Variants in ARHGEF37 observed in about 807,000 individuals in gnomAD.
ARHGEF37 encodes the protein Rho guanine nucleotide exchange factor (GEF) 37.
In ARHGEF37, 55 loss-of-function variants were observed where a neutral mutation model predicts 71.1. The ratio of observed to expected loss-of-function variants is 0.77; its 90% confidence interval spans 0.62 to 0.97. The LOEUF is 0.97. Among genes scored for constraint, ARHGEF37 ranks in the 50% least tolerant of loss-of-function variants. The probability of loss-of-function intolerance (pLI) is 0.00; values close to 1 mark genes in which losing one functional copy is unlikely to be tolerated. For missense variants in ARHGEF37, 765 were observed against 836.8 expected (o/e 0.91, Z 1.06); for synonymous variants, 327 against 350.6 (o/e 0.93, Z 0.75).
rs1207139940 is a variant in ARHGEF37, at chr5:149,616,582, T to A, written c.474T>A (p.Ser158=). The change falls in exon 5 of 13, where the codon TCT becomes TCA. Residue 158 remains serine (S), a synonymous_variant. Coordinates refer to ENST00000333677, the MANE Select transcript of ARHGEF37 (RefSeq NM_001001669.3). ...TCTCCCTCAGGCCGCAAGCTGGATC[T>A]TCAGGCCTCAGTTTCTTGCTGGTAA... ...IVEAVVPQAG[S]SGLSFLLVIP... The A allele has an allele frequency of 6.2e-7, 1 of 1,608,830 alleles. No individual in the cohort carries two copies. The highest frequency in any genetic ancestry group is 8.5e-7 in the Non-Finnish European group (1 of 1,177,318).
At chr5:149,577,417 C>T (rs1269091385), upstream of ARHGEF37, among the ~76,000 whole-genome samples, 1 of 140,338 alleles carries the variant, frequency 7.1e-6, no homozygotes, top group Admixed American at 8.1e-5. Flanking sequence ...ATTTACTTGA[C>T]TCATAGCATT....
chr5:149,564,978 T>TAGC (rs1327377175), intron 1 of ARHGEF37, among the ~76,000 whole-genome samples: 10 of 152,216 alleles, frequency 6.6e-5, no homozygotes, highest in Non-Finnish European at 1.3e-4. Context: ...TAGCCAGCCT[T>TAGC]CTGTGGCCTA....
At chr5:149,610,475 C>G (rs1208073621) in intron 4 of ARHGEF37, among the ~76,000 whole-genome samples, 2 of 152,084 alleles carry the variant, frequency 1.3e-5, no homozygotes, top group African/African-American at 4.8e-5. Flanking sequence ...TTTAAAACAT[C>G]AAAATTTTTA....
intron 1 of ARHGEF37, among the ~76,000 whole-genome samples, chr5:149,575,603 GC>G (rs1162027941): frequency 6.6e-6 from 1 of 151,776 alleles, no homozygotes; most frequent in Admixed American, 6.6e-5. Context: ...AGTAGAGATG[GC>G]CCTTTCTTCT....
In ARHGEF37 at chr5:149,618,168, C is replaced by A. The variant is rs531045351; in HGVS notation, c.659-8C>A. On this transcript the variant is annotated splice_polypyrimidine_tract_variant and splice_region_variant and intron_variant, in intron 5 of 12. Transcript: ENST00000333677. ...TCACCGTGCTTCCCCTCTTCTCTGT[C>A]GTTGCAGCCTCCAAGTACACCAAGG... 6.8e-6 allele frequency: 11 copies of A among 1,613,830 alleles called. No homozygotes were observed. Among genetic ancestry groups the A allele is most frequent in the Non-Finnish European group, 8.5e-6 (10 of 1,179,914 alleles).
At chr5:149,619,741 T>C (rs1235060550) in intron 7 of ARHGEF37, among the ~76,000 whole-genome samples, 1 of 152,068 alleles carries the variant, frequency 6.6e-6, no homozygotes, top group Non-Finnish European at 1.5e-5. Flanking sequence ...TAGAGAAAAG[T>C]ATTAATAGAA....
intron 1 of ARHGEF37, among the ~76,000 whole-genome samples, chr5:149,582,697 C>T (rs1020100480): frequency 6.6e-6 from 1 of 151,890 alleles, no homozygotes; most frequent in Admixed American, 6.6e-5. Context: ...TGATGGATAT[C>T]CCAAGTACAC....
At chr5:149,618,448 G>A in intron 6 of ARHGEF37, 142 bp downstream of exon 6, 1 of 1,317,654 alleles carries the variant, frequency 7.6e-7, no homozygotes, top group Non-Finnish European at 1.0e-6. Flanking sequence ...AAGAGGCAGA[G>A]GTGGCACCCC....
chr5:149,553,642 G>A (rs1419608878), intron 1 of ARHGEF37, among the ~76,000 whole-genome samples: 1 of 152,188 alleles, frequency 6.6e-6, no homozygotes, highest in East Asian at 1.9e-4. Flanking sequence ...TGGGCATGAA[G>A]TGGTCTAAAT....
At chr5:149,592,363 A>G (rs749038623) in intron 1 of ARHGEF37, among the ~76,000 whole-genome samples, 8 of 152,136 alleles carry the variant, frequency 5.3e-5, no homozygotes, top group Non-Finnish European at 1.2e-4. Flanking sequence ...CTATCTCTAC[A>G]ATTTTCTTTG....
intron 1 of ARHGEF37, 90 bp from the exon 2 acceptor site, chr5:149,597,669 C>A (rs917958558): frequency 2.5e-6 from 3 of 1,194,626 alleles, no homozygotes; most frequent in Admixed American, 2.7e-5. Context: ...TGTTTTTAGG[C>A]CTCTTGATGA....
At chr5:149,574,121 G>A (rs1338403041) in intron 1 of ARHGEF37, among the ~76,000 whole-genome samples, 1 of 152,146 alleles carries the variant, frequency 6.6e-6, no homozygotes, top group African/African-American at 2.4e-5. Flanking sequence ...CCACACAATG[G>A]CAGATTATTA....
chr5:149,552,596 G>C (rs1762693824), intron 1 of ARHGEF37, among the ~76,000 whole-genome samples: 1 of 152,190 alleles, frequency 6.6e-6, no homozygotes, highest in Admixed American at 6.5e-5. Context: ...CCAGCACTTC[G>C]GGAGGCCGGG....
intron 12 of ARHGEF37, among the ~76,000 whole-genome samples, chr5:149,631,116 T>TTTTC (rs199903340): frequency 0.017 from 2,556 of 151,650 alleles, 79 homozygotes; most frequent in African/African-American, 0.056. Flanking sequence ...TTCAATTTAT[T>TTTTC]TTTCTTTCTT....
chr5:149,621,511 C>T (rs956897153), intron 8 of ARHGEF37, among the ~76,000 whole-genome samples: 1 of 152,134 alleles, frequency 6.6e-6, no homozygotes, highest in African/African-American at 2.4e-5. Context: ...GATTGAATGC[C>T]TACTCTGTGC....
At chr5:149,610,835 G>A (rs1007705331) in intron 4 of ARHGEF37, among the ~76,000 whole-genome samples, 6 of 152,252 alleles carry the variant, frequency 3.9e-5, no homozygotes, top group African/African-American at 1.4e-4. Flanking sequence ...GCTAATTGCT[G>A]CTATCAAGTG....
chr5:149,629,144 G>A (rs1752799604), intron 12 of ARHGEF37, among the ~76,000 whole-genome samples, 178 bp downstream of exon 12: 1 of 152,180 alleles, frequency 6.6e-6, no homozygotes, highest in Non-Finnish European at 1.5e-5. Context: ...ACCTGAAGAA[G>A]GGGGCCTCCC....
At chr5:149,599,061 C>A (rs1763675687) in intron 2 of ARHGEF37, among the ~76,000 whole-genome samples, 1 of 152,094 alleles carries the variant, frequency 6.6e-6, no homozygotes, top group South Asian at 2.1e-4. Context: ...TAGGACAAAC[C>A]AGGGGAGCCC....
chr5:149,634,784 AC>A lies in ARHGEF37; in HGVS notation c.*2597del, dbSNP rs1752984704. ...GAGTTGAAGTCTGGTTCACAAGGGT[AC>A]CCCTTGCCTCCTGTGATGGAGTGAG... On this transcript the variant is annotated 3_prime_UTR_variant, in exon 13 of 13. Coordinates refer to ENST00000333677, the MANE Select transcript of ARHGEF37 (RefSeq NM_001001669.3). The A allele has an allele frequency of 6.6e-6, 1 of 152,596 alleles. No homozygotes were observed. Among genetic ancestry groups the A allele is most frequent in the Admixed American group, 6.5e-5 (1 of 15,286 alleles). The allele number at this position is 152,596 out of a possible 1,614,324, so 9.5% of individuals were successfully genotyped here.
Sources: allele counts gnomAD v4.1 joint callset (sites outside exome capture counted in the v4.1 genomes callset), GRCh38; gene constraint gnomAD v4.1.1; transcripts MANE v1.5; gene names NCBI Gene and HGNC (gene_info 2026-07-23, HGNC 2026-07-21).